ADAM10: variants seen among roughly 807,000 people sequenced by gnomAD.
ADAM10 encodes ADAM metallopeptidase domain 10, also known as disintegrin and metalloproteinase domain-containing protein 10.
In ADAM10, 17 loss-of-function variants were observed where a neutral mutation model predicts 90.1. The observed-to-expected ratio is 0.19, with a 90% confidence interval of 0.13 to 0.28. The LOEUF is 0.28. ADAM10 is among the 10% of genes least tolerant of loss of function. The pLI, the probability that ADAM10 is intolerant of heterozygous loss-of-function variation, is 1.00. For synonymous variants in ADAM10, 310 were observed against 298.6 expected (o/e 1.04, Z -0.40); for missense variants, 610 against 914.3 (o/e 0.67, Z 4.29).
intron 1 of ADAM10, among the ~76,000 whole-genome samples, chr15:58,729,963 AAAAAC>A (rs141552702): frequency 0.051 from 7,053 of 137,604 alleles, 628 homozygotes; most frequent in African/African-American, 0.18. Flanking sequence ...CTCTGTAAAA[AAAAAC>A]AAAAACAAAA....
intron 2 of ADAM10, 27 bp from the exon 3 acceptor site, chr15:58,682,341 C>T (rs750444628): frequency 1.2e-6 from 2 of 1,600,384 alleles, no homozygotes; most frequent in Admixed American, 3.5e-5. Flanking sequence ...GAAGGGGGAA[C>T]AACTGAAATT....
At chr15:58,599,486 C>A in intron 15 of ADAM10, 112 bp downstream of exon 15, 1 of 1,306,218 alleles carries the variant, frequency 7.7e-7, no homozygotes, top group Non-Finnish European at 1.1e-6. Context: ...TAATCCCATT[C>A]TTACGGAGAA....
intron 2 of ADAM10, chr15:58,692,106 T>A (rs777817200): frequency 2.0e-6 from 1 of 491,088 alleles, no homozygotes; most frequent in South Asian, 1.5e-5. Context: ...TACTCTGGCA[T>A]CAAATCATCA....
chr15:58,731,839 T>C (rs1377147267), intron 1 of ADAM10, among the ~76,000 whole-genome samples: 1 of 152,170 alleles, frequency 6.6e-6, no homozygotes, highest in African/African-American at 2.4e-5. Flanking sequence ...ATGTGCGGCC[T>C]GGTCTTGAAA....
rs1894862049 is a variant in ADAM10, at chr15:58,593,148, AATTTTTTTTTTTTTTTTTTTTT to A, written c.*4377_*4398del. Reference sequence around the variant, plus strand: ...AAAAGTAACAAAGGCCAGGTACTCAAATTTTTTTTTTTTTTTTTTTTTTTTTTTTTTTTTTTTTTTTTTTTTT... The same window carrying A: ...AAAAGTAACAAAGGCCAGGTACTCAATTTTTTTTTTTTTTTTTTTTTTTTT... On this transcript the variant is annotated 3_prime_UTR_variant, in exon 16 of 16. Coordinates refer to ENST00000260408, the MANE Select transcript of ADAM10 (RefSeq NM_001110.4). 9.0e-6 allele frequency: 1 copy of A among 110,510 alleles called. No individual in the cohort carries two copies. The highest frequency in any genetic ancestry group is 1.9e-5 in the Non-Finnish European group (1 of 51,794). The allele number at this position is 110,510 out of a possible 1,614,324, so 6.8% of individuals were successfully genotyped here.
At chr15:58,666,536 G>A (rs1221361050) in intron 4 of ADAM10, among the ~76,000 whole-genome samples, 4 of 151,802 alleles carry the variant, frequency 2.6e-5, no homozygotes, top group African/African-American at 9.7e-5. Context: ...TCATAAAACT[G>A]ACCATGCAAG....
chr15:58,608,577 T>G (rs139647589), intron 14 of ADAM10, among the ~76,000 whole-genome samples: 2 of 152,194 alleles, frequency 1.3e-5, no homozygotes, highest in Non-Finnish European at 2.9e-5. Context: ...AATAAAGGCA[T>G]GTTCTATCCC....
chr15:58,660,222 C>T (rs892159151), intron 5 of ADAM10, among the ~76,000 whole-genome samples: 2 of 151,824 alleles, frequency 1.3e-5, no homozygotes, highest in African/African-American at 4.8e-5. Context: ...TAGGGTCTCA[C>T]TCTGCAGCCT....
rs1034652184 is a variant in ADAM10, at chr15:58,665,731, A to C, written c.485-534T>G. Among the ~76,000 whole-genome samples the C allele has an allele frequency of 2.0e-5, 3 of 152,002 alleles. No homozygotes were observed. In the East Asian group the frequency reaches 5.8e-4, roughly 29 times the overall value. ...TATTCTCATAGTAGCTCAGTTTTAC[A>C]GTTACGTGACTGTATCACTGACTAC... On this transcript the variant is annotated intron_variant, in intron 4 of 15. Transcript: ENST00000260408.
intron 2 of ADAM10, among the ~76,000 whole-genome samples, chr15:58,710,290 T>A (rs1567007071): frequency 6.6e-6 from 1 of 152,148 alleles, no homozygotes; most frequent in Non-Finnish European, 1.5e-5. Context: ...TATTTCATAT[T>A]AAAATTATAT....
intron 3 of ADAM10, among the ~76,000 whole-genome samples, chr15:58,679,907 T>G (rs547262647): frequency 2.6e-5 from 4 of 152,064 alleles, no homozygotes; most frequent in African/African-American, 9.6e-5. Context: ...AGACCTTGTC[T>G]CAAAACAAAA....
intron 1 of ADAM10, among the ~76,000 whole-genome samples, chr15:58,733,399 G>C (rs1226168864): frequency 6.6e-6 from 1 of 152,172 alleles, no homozygotes; most frequent in East Asian, 1.9e-4. Context: ...TGGATTTCCA[G>C]AGGTCCCCCT....
chr15:58,630,327 G>C (rs1487732011), intron 9 of ADAM10, among the ~76,000 whole-genome samples: 1 of 152,166 alleles, frequency 6.6e-6, no homozygotes, highest in Non-Finnish European at 1.5e-5. Flanking sequence ...ACATGGGAAG[G>C]AACTGACTTC....
chr15:58,599,783 T>C (rs1201595821), intron 14 of ADAM10, 59 bp from the exon 15 acceptor site: 5 of 1,530,480 alleles, frequency 3.3e-6, no homozygotes, highest in South Asian at 1.1e-5. Flanking sequence ...TTTTAGAGTA[T>C]CTTTTACAGT....
In ADAM10 at chr15:58,596,278, T is replaced by C. The variant is rs1395869561; in HGVS notation, c.*1269A>G. The C allele has an allele frequency of 1.3e-5, 2 of 152,412 alleles. No individual in the cohort carries two copies. Among genetic ancestry groups the C allele is most frequent in the Admixed American group, 1.3e-4 (2 of 15,302 alleles). The allele number at this position is 152,412 out of a possible 1,614,324, so 9.4% of individuals were successfully genotyped here. ...GCCCCTTCTATTTCCTGCATAGCAA[T>C]AAGCCTGTTAATACATTAAATGTTT... On this transcript the variant is annotated 3_prime_UTR_variant, in exon 16 of 16. Transcript: ENST00000260408.
intron 7 of ADAM10, among the ~76,000 whole-genome samples, chr15:58,641,221 G>A (rs1485393515): frequency 6.6e-6 from 1 of 152,208 alleles, no homozygotes; most frequent in African/African-American, 2.4e-5. Flanking sequence ...GTATTCACCA[G>A]ATTCCTGAAC....
At chr15:58,687,785 G>C (rs1251149746) in intron 2 of ADAM10, among the ~76,000 whole-genome samples, 27 of 152,154 alleles carry the variant, frequency 1.8e-4, no homozygotes, top group African/African-American at 6.5e-4. Context: ...ATTATGCTGA[G>C]TGGAAAAGTC....
intron 15 of ADAM10, 115 bp from the exon 16 acceptor site, chr15:58,597,756 T>C (rs891900125): frequency 1.1e-5 from 12 of 1,071,264 alleles, no homozygotes; most frequent in East Asian, 2.6e-5. Flanking sequence ...TCCAATAATA[T>C]GGGCCATCAA....
At position 58,671,808 on chromosome 15, in the gene ADAM10, A is replaced by T. The variant is rs1388503806; in HGVS notation, c.485-6611T>A. ...TTCAAAATCAATGATACCAAAAATA[A>T]CTTTTTTTTTTTAATCCTTACTGTC... On this transcript the variant is annotated intron_variant, in intron 4 of 15. Transcript: ENST00000260408. 2.6e-5 allele frequency among the ~76,000 whole-genome samples: 4 copies of T among 151,998 alleles called. No individual in the cohort carries two copies. In the East Asian group the frequency reaches 7.7e-4, roughly 29 times the overall value.
Sources: allele counts gnomAD v4.1 joint callset (sites outside exome capture counted in the v4.1 genomes callset), GRCh38; gene constraint gnomAD v4.1.1; transcripts MANE v1.5; gene names NCBI Gene and HGNC (gene_info 2026-07-23, HGNC 2026-07-21).